PCDH15: variants seen among roughly 807,000 people sequenced by gnomAD.
The protein encoded by PCDH15 is protocadherin-15.
In PCDH15, 129 loss-of-function variants were observed where a neutral mutation model predicts 178.5. That is an observed-to-expected ratio of 0.72 (90% CI 0.63 to 0.84). The LOEUF is 0.84. PCDH15 is among the 40% of genes least tolerant of loss of function. PCDH15 has a pLI of 0.00. For missense variants in PCDH15, 2,230 were observed against 2,099.9 expected (o/e 1.06, Z -1.21); for synonymous variants, 800 against 732.0 (o/e 1.09, Z -1.50).
At chr10:54,835,494 A>C (rs964701437) in intron 3 of PCDH15, among the ~76,000 whole-genome samples, 1 of 152,044 alleles carries the variant, frequency 6.6e-6, no homozygotes, top group Non-Finnish European at 1.5e-5. Flanking sequence ...GTATACACAT[A>C]TTCTCCTACA....
chr10:55,523,221 T>A (rs894558422), intron 2 of PCDH15, among the ~76,000 whole-genome samples: 1 of 151,558 alleles, frequency 6.6e-6, no homozygotes, highest in African/African-American at 2.4e-5. Flanking sequence ...CTCTCCTCCA[T>A]CAAGAACTTC....
intron 2 of PCDH15, among the ~76,000 whole-genome samples, chr10:55,360,766 G>A (rs1220425159): frequency 6.6e-6 from 1 of 151,758 alleles, no homozygotes; most frequent in Non-Finnish European, 1.5e-5. Flanking sequence ...AATCACTCTG[G>A]GTAACATTTT....
chr10:55,021,962 G>A (rs533406925), intron 2 of PCDH15, among the ~76,000 whole-genome samples: 3 of 152,126 alleles, frequency 2.0e-5, no homozygotes, highest in African/African-American at 4.8e-5. Flanking sequence ...AATCTCAGTC[G>A]CATGGTGGAA....
chr10:55,062,512 C>T (rs1178109526), intron 2 of PCDH15, among the ~76,000 whole-genome samples: 2 of 152,124 alleles, frequency 1.3e-5, no homozygotes, highest in Non-Finnish European at 1.5e-5. Flanking sequence ...TATGATTCCA[C>T]CTATATGACA....
chr10:54,015,101 T>C (rs936034362), intron 20 of PCDH15, among the ~76,000 whole-genome samples: 4 of 152,126 alleles, frequency 2.6e-5, no homozygotes, highest in African/African-American at 9.7e-5. Flanking sequence ...AGTAATAGCA[T>C]TCCTATGTAC....
chr10:54,341,536 TAAC>T (rs1365239417), intron 6 of PCDH15, among the ~76,000 whole-genome samples: 1 of 152,136 alleles, frequency 6.6e-6, no homozygotes, highest in African/African-American at 2.4e-5. Context: ...AGCAGTGTGA[TAAC>T]AAACTAATAC....
intron 2 of PCDH15, among the ~76,000 whole-genome samples, chr10:55,397,806 C>G (rs956003150): frequency 6.6e-6 from 1 of 151,552 alleles, no homozygotes; most frequent in Admixed American, 6.6e-5. Context: ...AGGCTGGTCT[C>G]GAACGAACTC....
At chr10:53,964,617 G>A (rs2088794934) in intron 21 of PCDH15, among the ~76,000 whole-genome samples, 1 of 151,922 alleles carries the variant, frequency 6.6e-6, no homozygotes, top group Non-Finnish European at 1.5e-5. Context: ...ATATTTGAAG[G>A]TTTGGGAAAT....
chr10:54,045,404 A>G (rs1168288288), intron 18 of PCDH15, among the ~76,000 whole-genome samples: 1 of 152,126 alleles, frequency 6.6e-6, no homozygotes, highest in African/African-American at 2.4e-5. Flanking sequence ...AACAAATCAC[A>G]AAGTACAGAA....
intron 2 of PCDH15, among the ~76,000 whole-genome samples, chr10:55,496,959 A>G (rs1246852572): frequency 6.6e-6 from 1 of 151,904 alleles, no homozygotes; most frequent in East Asian, 1.9e-4. Flanking sequence ...TCCACAAAAT[A>G]GGCAAAATAT....
chr10:55,254,948 C>A (rs1056868817), intron 1 of PCDH15, among the ~76,000 whole-genome samples: 11 of 43,776 alleles, frequency 2.5e-4, no homozygotes, highest in Admixed American at 2.0e-3. Context: ...TAGCTTAAGT[C>A]TTTTCTTTTT....
intron 13 of PCDH15, among the ~76,000 whole-genome samples, chr10:54,177,149 G>A (rs142385095): frequency 7.2e-5 from 11 of 152,068 alleles, no homozygotes; most frequent in East Asian, 1.9e-4. Flanking sequence ...TTTTAAATAC[G>A]TATTACTAAG....
intron 3 of PCDH15, among the ~76,000 whole-genome samples, chr10:54,890,352 G>A (rs554967343): frequency 1.7e-4 from 26 of 152,028 alleles, no homozygotes; most frequent in Non-Finnish European, 5.9e-5. Context: ...AACATTATAA[G>A]ATACATCAAT....
At chr10:55,075,033 G>A (rs190294833) in intron 2 of PCDH15, among the ~76,000 whole-genome samples, 2 of 152,010 alleles carry the variant, frequency 1.3e-5, no homozygotes, top group South Asian at 2.1e-4. Flanking sequence ...GTAGATGTGC[G>A]GTCTTACGTC....
chr10:55,322,291 G>A (rs973215169), upstream of PCDH15, among the ~76,000 whole-genome samples: 3 of 152,174 alleles, frequency 2.0e-5, no homozygotes, highest in African/African-American at 7.2e-5. Context: ...GGAACTGTAA[G>A]TCCATTAAAC....
intron 3 of PCDH15, among the ~76,000 whole-genome samples, chr10:54,396,833 T>C (rs1951295993): frequency 6.6e-6 from 1 of 152,118 alleles, no homozygotes; most frequent in Non-Finnish European, 1.5e-5. Flanking sequence ...AACAGAGAAT[T>C]TGACAATTCA....
chr10:54,181,035 TCTTA>T (rs1264858697), intron 13 of PCDH15, among the ~76,000 whole-genome samples: 1 of 152,200 alleles, frequency 6.6e-6, no homozygotes, highest in African/African-American at 2.4e-5. Context: ...GCTATGATTT[TCTTA>T]CTTACACTTT....
chr10:54,433,008 A>C (rs1274986324), intron 3 of PCDH15, among the ~76,000 whole-genome samples: 1 of 152,044 alleles, frequency 6.6e-6, no homozygotes, highest in African/African-American at 2.4e-5. Flanking sequence ...TGTAAATCAA[A>C]ACAACAATGA....
chr10:54,774,219 G>A (rs950596035), intron 1 of PCDH15, among the ~76,000 whole-genome samples: 37 of 151,648 alleles, frequency 2.4e-4, no homozygotes, highest in African/African-American at 6.0e-4. Flanking sequence ...TAGTAGAGAC[G>A]GGGTTTCACC....
Sources: allele counts gnomAD v4.1 joint callset (sites outside exome capture counted in the v4.1 genomes callset), GRCh38; gene constraint gnomAD v4.1.1; transcripts MANE v1.5; gene names NCBI Gene and HGNC (gene_info 2026-07-23, HGNC 2026-07-21).